The following STARD10 variants were observed in gnomAD, a reference collection of about 807,000 sequenced individuals.
STARD10 encodes the protein START domain-containing protein 10.
In STARD10, 24 loss-of-function variants were observed where a neutral mutation model predicts 36.0. The observed-to-expected ratio is 0.67, with a 90% CI of 0.48 to 0.94. The LOEUF is 0.94. Ranked by LOEUF, STARD10 falls within the 40% of genes least tolerant of loss-of-function variation. STARD10 has a pLI of 0.00. For synonymous variants in STARD10, 156 were observed against 161.9 expected (o/e 0.96, Z 0.28); for missense variants, 335 against 396.6 (o/e 0.84, Z 1.32).
intron 2 of STARD10, among the ~76,000 whole-genome samples, chr11:72,761,917 C>CTTTTCTTTTTTTTTT (rs1555023007): frequency 5.6e-4 from 21 of 37,482 alleles, no homozygotes; most frequent in African/African-American, 2.3e-3. Context: ...CTTTTCTTTT[C>CTTTTCTTTTTTTTTT]TTTTTTTTTT....
intron 1 of STARD10, among the ~76,000 whole-genome samples, chr11:72,784,918 C>T (rs757263514): frequency 1.3e-5 from 2 of 152,258 alleles, no homozygotes; most frequent in Non-Finnish European, 2.9e-5. Context: ...ACGTGCCCCT[C>T]GCAGACAGAG....
Position 72,758,497 on chromosome 11 carries a change from C to A in STARD10, c.459+33G>T, listed in dbSNP as rs754001264. The A allele has an allele frequency of 2.7e-5, 42 of 1,581,042 alleles. No homozygotes were observed. In the Admixed American group the frequency reaches 4.3e-4, roughly 16 times the overall value. On this transcript the variant is annotated intron_variant, in intron 4 of 6. Coordinates refer to ENST00000334805, the MANE Select transcript of STARD10 (RefSeq NM_006645.3). ...GCCTTGCGCTGCCTGACCCTCTCCC[C>A]TGCTCCACCGCAGGGAAGGCAGGTT...
chr11:72,792,231 T>G (rs1398929055), intron 1 of STARD10, among the ~76,000 whole-genome samples: 1 of 151,710 alleles, frequency 6.6e-6, no homozygotes, highest in Non-Finnish European at 1.5e-5. Flanking sequence ...TTTTTTTGTA[T>G]TTTTAGTAGA....
intron 6 of STARD10, 171 bp from the exon 7 acceptor site, chr11:72,755,313 T>C (rs1476605095): frequency 6.8e-6 from 5 of 730,106 alleles, no homozygotes; most frequent in Non-Finnish European, 8.4e-6. Context: ...ATTCTTTTTT[T>C]TTTTTTTTTT....
At chr11:72,755,585 A>T in intron 6 of STARD10, 116 bp downstream of exon 6, 1 of 1,212,398 alleles carries the variant, frequency 8.2e-7, no homozygotes, top group Non-Finnish European at 1.2e-6. Flanking sequence ...TGCTGGGATT[A>T]CAGGCATGAG....
intron 5 of STARD10, 159 bp from the exon 6 acceptor site, chr11:72,755,912 C>T (rs1440924604): frequency 1.6e-6 from 1 of 618,928 alleles, no homozygotes; most frequent in African/African-American, 1.9e-5. Flanking sequence ...CCCTCACTCC[C>T]TTCCACCTCA....
chr11:72,754,966 G>C lies in STARD10; in HGVS notation c.807C>G (p.Ala269=). The change falls in exon 7 of 7, where the codon GCC becomes GCG. Residue 269 remains alanine, a synonymous_variant. Coordinates refer to ENST00000334805, the MANE Select transcript of STARD10 (RefSeq NM_006645.3). ...CGCCCATCCGCTCCTCTCTGCTCTC[G>C]GCCACCGCGCTCTCGTCGATGTTCT... is the stretch of plus-strand genomic sequence containing the variant. ...SLENIDESAV[A]ESREERMGGA... 1 of 1,609,974 alleles carries C rather than the reference G, an allele frequency of 6.2e-7. No homozygotes were observed. The highest frequency in any genetic ancestry group is 8.5e-7 in the Non-Finnish European group (1 of 1,179,330).
chr11:72,786,731 A>T (rs1859078003), intron 1 of STARD10, among the ~76,000 whole-genome samples: 1 of 152,208 alleles, frequency 6.6e-6, no homozygotes, highest in Non-Finnish European at 1.5e-5. Context: ...ACACTTGATC[A>T]TGCCAGGCCA....
chr11:72,787,801 C>T (rs1859093126), intron 1 of STARD10, among the ~76,000 whole-genome samples: 1 of 152,238 alleles, frequency 6.6e-6, no homozygotes, highest in Admixed American at 6.5e-5. Context: ...CCTTCCTCCA[C>T]CAAGGTGGGC....
intron 2 of STARD10, among the ~76,000 whole-genome samples, chr11:72,764,289 T>C (rs1858756913): frequency 6.6e-6 from 1 of 152,196 alleles, no homozygotes; most frequent in South Asian, 2.1e-4. Flanking sequence ...AGCAGGGCTG[T>C]TGAGGCTCCA....
chr11:72,777,262 G>A (rs973327398), intron 2 of STARD10, among the ~76,000 whole-genome samples: 8 of 152,264 alleles, frequency 5.3e-5, no homozygotes, highest in Non-Finnish European at 1.0e-4. Context: ...GGGCCTCACA[G>A]GCCACGTCCT....
At chr11:72,764,746 C>CGGGCCGGTACCAGGAACCCCCAGCTATT (rs1591265254) in intron 2 of STARD10, among the ~76,000 whole-genome samples, 1 of 152,272 alleles carries the variant, frequency 6.6e-6, no homozygotes, top group East Asian at 1.9e-4. Context: ...ACCAGGTGGG[C>CGGGCCGGTACCAGGAACCCCCAGCTATT]GGGCCGGTAC....
chr11:72,772,162 C>T (rs1858868458), intron 2 of STARD10, among the ~76,000 whole-genome samples: 1 of 151,744 alleles, frequency 6.6e-6, no homozygotes, highest in African/African-American at 2.4e-5. Flanking sequence ...GCATGGTTCT[C>T]CCTGTGCCCG....
chr11:72,780,763 G>T, intron 2 of STARD10: 1 of 594,864 alleles, frequency 1.7e-6, no homozygotes. Context: ...AGAGAGGCAG[G>T]GTGAGTCACT....
intron 2 of STARD10, chr11:72,766,181 G>A (rs574379398): frequency 4.0e-5 from 6 of 151,722 alleles, no homozygotes; most frequent in African/African-American, 1.5e-4. Context: ...ACCCTTCCAC[G>A]TGGCCAGGAC....
chr11:72,780,019 A>G, intron 2 of STARD10: 2 of 298,236 alleles, frequency 6.7e-6, no homozygotes, highest in Non-Finnish European at 1.4e-5. Flanking sequence ...GGATAGCAGA[A>G]GGGAGAAGGC....
chr11:72,777,157 A>G (rs1334696822), intron 2 of STARD10, among the ~76,000 whole-genome samples: 1 of 152,212 alleles, frequency 6.6e-6, no homozygotes, highest in Non-Finnish European at 1.5e-5. Flanking sequence ...TCCTCTCTCC[A>G]CCAGGGTCTG....
chr11:72,789,086 A>G (rs968436078), intron 1 of STARD10, among the ~76,000 whole-genome samples: 4 of 152,178 alleles, frequency 2.6e-5, no homozygotes, highest in African/African-American at 9.7e-5. Context: ...GCCTCAAGCA[A>G]TCCTCCTGCC....
intron 2 of STARD10, among the ~76,000 whole-genome samples, chr11:72,770,410 G>A (rs1232215355): frequency 6.6e-6 from 1 of 152,164 alleles, no homozygotes; most frequent in Non-Finnish European, 1.5e-5. Flanking sequence ...TAGAGATGGG[G>A]TTTCGCCATG....
Sources: gnomAD v4.1 joint callset for allele counts (sites outside exome capture counted in the v4.1 genomes callset) on GRCh38, gnomAD v4.1.1 for gene constraint, MANE v1.5 for transcripts, NCBI Gene and HGNC (gene_info 2026-07-23, HGNC 2026-07-21) for gene names.